The following ECSCR variants were observed in gnomAD, a reference collection of about 807,000 sequenced individuals.
ECSCR encodes the protein endothelial cell surface expressed chemotaxis and apoptosis regulator, also known as endothelial cell-specific chemotaxis regulator.
In ECSCR, 12 loss-of-function variants were observed where a neutral mutation model predicts 16.7. The ratio of observed to expected loss-of-function variants is 0.72; its 90% CI spans 0.46 to 1.17. The LOEUF (loss-of-function observed/expected upper bound fraction) is 1.17. Among genes scored for constraint, ECSCR ranks in the 50% most tolerant of loss-of-function variants. The probability of loss-of-function intolerance (pLI) is 0.00; values close to 1 mark genes in which losing one functional copy is unlikely to be tolerated. For synonymous variants in ECSCR, 44 were observed against 42.2 expected, an observed-to-expected ratio of 1.04 and a Z score of -0.17; for missense variants, 122 against 116.1, an observed-to-expected ratio of 1.05 and a Z score of -0.23.
At chr5:139,456,656 A>G (rs1314372062) in intron 4 of ECSCR, 138 bp from the exon 5 acceptor site, 2 of 391,798 alleles carry the variant, frequency 5.1e-6, no homozygotes, top group African/African-American at 2.1e-5. Flanking sequence ...CTTTTCCTTC[A>G]TTTTGGGGTA....
chr5:139,460,380 T>C (rs1302833622), intron 1 of ECSCR, among the ~76,000 whole-genome samples: 1 of 152,124 alleles, frequency 6.6e-6, no homozygotes, highest in African/African-American at 2.4e-5. Context: ...AGGTGATCCA[T>C]TCGCCTCAGC....
chr5:139,449,047 G>C, intron 9 of ECSCR, 31 bp downstream of exon 9: 1 of 1,534,080 alleles, frequency 6.5e-7, no homozygotes, highest in South Asian at 1.2e-5. Flanking sequence ...GGTGAATTTG[G>C]GGAAGGAAGG....
rs1187505493 is a variant in ECSCR, at chr5:139,455,814, T to TAAAAAAA, written c.263-385_263-379dup. On this transcript the variant is annotated intron_variant, in intron 5 of 9. Transcript: ENST00000618155. The stretch of plus-strand genomic sequence containing the variant: ...CAACATGGTGAAACCCCATCTCTCC[T>TAAAAAAA]AAAAAAAAAAAAAAAAAAAAAAAAA... Among the ~76,000 whole-genome samples, 9 of 49,034 alleles carry TAAAAAAA rather than the reference T, an allele frequency of 1.8e-4. 1 individual carries two copies. The highest frequency in any genetic ancestry group is 6.9e-4 in the African/African-American group (9 of 12,982). The allele number at this position is 49,034 out of a possible 152,430, so 32.2% of individuals were successfully genotyped here. A position where few individuals can be genotyped will look rare whatever the true frequency, so the allele number is the denominator to read the frequency against.
intron 4 of ECSCR, 150 bp downstream of exon 4, chr5:139,457,395 T>C: frequency 1.5e-6 from 1 of 684,768 alleles, no homozygotes; most frequent in Non-Finnish European, 2.7e-6. Flanking sequence ...ACCGCAGCCC[T>C]TCTCACCCTG....
intron 8 of ECSCR, 25 bp from the exon 9 acceptor site, chr5:139,449,199 T>G: frequency 6.6e-7 from 1 of 1,518,460 alleles, no homozygotes; most frequent in Non-Finnish European, 8.9e-7. Context: ...GGGTCTGGGT[T>G]AAAGAGAGGA....
intron 8 of ECSCR, among the ~76,000 whole-genome samples, chr5:139,454,245 G>T (rs1170116510): frequency 3.1e-4 from 45 of 144,718 alleles, no homozygotes; most frequent in Non-Finnish European, 5.5e-4. Flanking sequence ...GGGTCGTGTG[G>T]TGTGTGAGAT....
chr5:139,455,075 G>T (rs1751126819), intron 6 of ECSCR, among the ~76,000 whole-genome samples, 152 bp from the exon 7 acceptor site: 1 of 78 alleles, frequency 0.013, no homozygotes, highest in South Asian at 0.12. Flanking sequence ...TGAGCTCTCA[G>T]CCTGCCCGCC....
chr5:139,453,875 T>C (rs1479985150), intron 8 of ECSCR, among the ~76,000 whole-genome samples: 1 of 129,382 alleles, frequency 7.7e-6, no homozygotes, highest in Non-Finnish European at 1.7e-5. Flanking sequence ...TGTGGTGTGT[T>C]TGAGGTGTGT....
intron 1 of ECSCR, among the ~76,000 whole-genome samples, chr5:139,461,398 T>C (rs933788562): frequency 5.3e-5 from 8 of 151,782 alleles, no homozygotes; most frequent in African/African-American, 1.9e-4. Flanking sequence ...TCCACCAAGA[T>C]GAAGGAGCCA....
At chr5:139,452,141 ATGT>A in intron 8 of ECSCR, among the ~76,000 whole-genome samples, 1 of 117,780 alleles carries the variant, frequency 8.5e-6, no homozygotes, top group South Asian at 3.1e-4. Context: ...TGTGTGTGGT[ATGT>A]GGATGTGCGT....
At chr5:139,453,801 GGTGTGTGATGT>G (rs1185831083) in intron 8 of ECSCR, among the ~76,000 whole-genome samples, 28 of 149,126 alleles carry the variant, frequency 1.9e-4, no homozygotes, top group African/African-American at 6.9e-4. Flanking sequence ...GGGTGTGTGT[GGTGTGTGATGT>G]GTGGGGGATG....
intron 8 of ECSCR, among the ~76,000 whole-genome samples, chr5:139,450,989 C>T (rs1751029652): frequency 6.6e-6 from 1 of 152,146 alleles, no homozygotes; most frequent in Non-Finnish European, 1.5e-5. Context: ...GAGTTTCAGT[C>T]CATCTCCTGT....
At chr5:139,454,162 G>A (rs1325819324) in intron 8 of ECSCR, among the ~76,000 whole-genome samples, 1 of 144,882 alleles carries the variant, frequency 6.9e-6, no homozygotes, top group East Asian at 2.1e-4. Context: ...TGTGTGTGTG[G>A]TGTGTGGGTA....
chr5:139,452,231 T>A (rs1751070506), intron 8 of ECSCR, among the ~76,000 whole-genome samples: 1 of 101,776 alleles, frequency 9.8e-6, no homozygotes, highest in Non-Finnish European at 2.0e-5. Context: ...TGTAGGGGTG[T>A]GTGTGTATGA....
chr5:139,456,298 C>T (rs1434146972), intron 5 of ECSCR, among the ~76,000 whole-genome samples, 176 bp downstream of exon 5: 3 of 152,136 alleles, frequency 2.0e-5, no homozygotes, highest in Admixed American at 2.0e-4. Flanking sequence ...TGTGTCTTCC[C>T]TTCTCAACCC....
In ECSCR at chr5:139,448,773, A is replaced by G; in HGVS notation, c.*127T>C. The G allele has an allele frequency of 2.0e-6, 3 of 1,487,902 alleles. No individual in the cohort carries two copies. Among genetic ancestry groups the G allele is most frequent in the Non-Finnish European group, 2.7e-6 (3 of 1,124,490 alleles). 92.2% of individuals were successfully genotyped at this position (1,487,902 alleles called of 1,614,324 possible). ...GGCAATGCTAGTGTCCTTTAGATCT[A>G]GAAGCAGACATGAAACAATAAAATA... is the stretch of plus-strand genomic sequence containing the variant. On this transcript the variant is annotated 3_prime_UTR_variant, in exon 10 of 10. Transcript: ENST00000618155.
At chr5:139,458,648 A>T (rs1193566029) in intron 1 of ECSCR, among the ~76,000 whole-genome samples, 1 of 151,566 alleles carries the variant, frequency 6.6e-6, no homozygotes, top group Non-Finnish European at 1.5e-5. Flanking sequence ...GGAGTTCAAG[A>T]CTAGCCCGGC....
chr5:139,454,003 G>GA (rs1751101161), intron 8 of ECSCR, among the ~76,000 whole-genome samples: 1 of 148,568 alleles, frequency 6.7e-6, no homozygotes, highest in Non-Finnish European at 1.5e-5. Context: ...GAGGTGTGTT[G>GA]GGGTGTGTGT....
intron 1 of ECSCR, among the ~76,000 whole-genome samples, chr5:139,460,297 G>A (rs914550641): frequency 2.6e-5 from 4 of 152,038 alleles, no homozygotes; most frequent in South Asian, 2.1e-4. Flanking sequence ...CACCATGCCC[G>A]GCTAATTTTT....
Sources: allele counts gnomAD v4.1 joint callset (sites outside exome capture counted in the v4.1 genomes callset), GRCh38; gene constraint gnomAD v4.1.1; transcripts MANE v1.5; gene names NCBI Gene and HGNC (gene_info 2026-07-23, HGNC 2026-07-21).